Variants in SLC44A1 observed in about 807,000 individuals in gnomAD.
SLC44A1 encodes solute carrier family 44 member 1.
Under a neutral mutation model 79.3 loss-of-function variants are expected in SLC44A1, and 26 were observed. The observed-to-expected ratio is 0.33, with a 90% CI of 0.24 to 0.46. The LOEUF is 0.46. SLC44A1 is among the 20% of genes least tolerant of loss of function. The probability of loss-of-function intolerance (pLI) is 1.00; values close to 1 mark genes in which losing one functional copy is unlikely to be tolerated. For synonymous variants in SLC44A1, 263 were observed against 286.2 expected (o/e 0.92, Z 0.82); for missense variants, 688 against 798.1 (o/e 0.86, Z 1.66).
Position 105,385,496 on chromosome 9 carries a change from G to A in SLC44A1, c.1944G>A (p.Lys648=). The change falls in exon 15 of 16, where the codon AAG becomes AAA. Residue 648 remains lysine (K), a synonymous_variant. Coordinates refer to ENST00000374720, the MANE Select transcript of SLC44A1 (RefSeq NM_080546.5). ...KGGVADSREL[K]PMASGASSA is the part of the protein sequence containing the mutation. ...GCGTCGCTGATTCCAGAGAGCTAAA[G>A]CCGATGGTAGGTGGAGATGAGGAGG... 6.4e-7 allele frequency: 1 copy of A among 1,573,484 alleles called. No homozygotes were observed. Among genetic ancestry groups the A allele is most frequent in the Non-Finnish European group, 8.6e-7 (1 of 1,158,492 alleles).
chr9:105,310,179 A>G lies in SLC44A1; in HGVS notation c.269+313A>G, dbSNP rs58698877. On this transcript the variant is annotated intron_variant, in intron 3 of 15. Coordinates refer to ENST00000374720, the MANE Select transcript of SLC44A1 (RefSeq NM_080546.5). ...TTTTTCTTTAGCCTTTAAGTTATAT[A>G]CTAGTTTTAACCCTGTAACATATTT... 1.1e-3 allele frequency among the ~76,000 whole-genome samples: 173 copies of G among 152,070 alleles called. 1 individual carries two copies. Among genetic ancestry groups the G allele is most frequent in the African/African-American group, 4.1e-3 (170 of 41,496 alleles).
chr9:105,345,992 GA>G (rs75269488), intron 4 of SLC44A1, among the ~76,000 whole-genome samples: 16,398 of 112,298 alleles, frequency 0.15, 921 homozygotes, highest in Middle Eastern at 0.22. Context: ...TACTTTCACT[GA>G]AAAAAAAAAA....
intron 15 of SLC44A1, among the ~76,000 whole-genome samples, chr9:105,405,119 A>G (rs1211384024): frequency 6.6e-6 from 1 of 152,142 alleles, no homozygotes; most frequent in Non-Finnish European, 1.5e-5. Context: ...GAGGAGTTTG[A>G]AACCAGCCTG....
chr9:105,396,706 C>T lies in SLC44A1; in HGVS notation c.*7650C>T. 3.0e-6 allele frequency: 3 copies of T among 984,244 alleles called. No individual in the cohort carries two copies. In the South Asian group the frequency reaches 1.4e-4, roughly 46 times the overall value. 61.0% of individuals were successfully genotyped at this position (984,244 alleles called of 1,614,324 possible). Reference sequence around the variant, plus strand: ...GTTTTGGTGCCACATATTTCTCAATCTGATGCCTTTTTGTCTTTTTTTTTT... The same window carrying T: ...GTTTTGGTGCCACATATTTCTCAATTTGATGCCTTTTTGTCTTTTTTTTTT... On this transcript the variant is annotated 3_prime_UTR_variant, in exon 16 of 16. Transcript: ENST00000374720.
chr9:105,321,551 A>T (rs1157343559), intron 3 of SLC44A1, among the ~76,000 whole-genome samples: 1 of 152,170 alleles, frequency 6.6e-6, no homozygotes, highest in Admixed American at 6.5e-5. Context: ...TAACTAGAAT[A>T]TGTATAGGTA....
At chr9:105,332,936 G>T (rs1307477318) in intron 3 of SLC44A1, among the ~76,000 whole-genome samples, 3 of 152,116 alleles carry the variant, frequency 2.0e-5, no homozygotes, top group Non-Finnish European at 4.4e-5. Flanking sequence ...TCGGTGATAT[G>T]TAATTTTTCA....
chr9:105,385,527 G>A lies in SLC44A1; in HGVS notation c.1950+25G>A, dbSNP rs138253895. 7.9e-5 allele frequency: 123 copies of A among 1,556,554 alleles called. No individual in the cohort carries two copies. In the African/African-American group the frequency reaches 9.9e-4, roughly 13 times the overall value. ...GGTAGGTGGAGATGAGGAGGTGGCC[G>A]CCCTCCAAGAATTTCACTTTCACTT... On this transcript the variant is annotated intron_variant, in intron 15 of 15. Coordinates refer to ENST00000374720, the MANE Select transcript of SLC44A1 (RefSeq NM_080546.5).
intron 15 of SLC44A1, among the ~76,000 whole-genome samples, chr9:105,404,995 A>C (rs575754901): frequency 2.0e-5 from 3 of 152,314 alleles, no homozygotes; most frequent in Non-Finnish European, 2.9e-5. Flanking sequence ...GAACAGAACA[A>C]GCTAGAGTCT....
chr9:105,356,060 T>C (rs1053221813), intron 5 of SLC44A1, 152 bp from the exon 6 acceptor site: 2 of 631,992 alleles, frequency 3.2e-6, no homozygotes, highest in Non-Finnish European at 5.5e-6. Flanking sequence ...GTCATCCTCA[T>C]AGCATTAAGC....
chr9:105,385,870 G>C lies in SLC44A1; in HGVS notation c.1950+368G>C, dbSNP rs1050777257. ...TGGTGTACACTTGAACTGACGGTTT[G>C]ATTTTTATCATTTTGGAAGGTGATC... is the stretch of plus-strand genomic sequence containing the variant. On this transcript the variant is annotated intron_variant, in intron 15 of 15. Transcript: ENST00000374720. 5.1e-6 allele frequency: 5 copies of C among 985,218 alleles called. No homozygotes were observed. In the Admixed American group the frequency reaches 2.5e-4, roughly 48 times the overall value. 61.0% of individuals were successfully genotyped at this position (985,218 alleles called of 1,614,324 possible).
chr9:105,322,478 T>C lies in SLC44A1; in HGVS notation c.269+12612T>C, dbSNP rs80308387. On this transcript the variant is annotated intron_variant, in intron 3 of 15. Coordinates refer to ENST00000374720, the MANE Select transcript of SLC44A1 (RefSeq NM_080546.5). ...CAAATAAAAGGTGGGAGTGAAGGGT[T>C]ACTCATTGTGTGAGTACAGGTCGTG... Among the ~76,000 whole-genome samples the C allele has an allele frequency of 2.2e-4, 33 of 152,338 alleles. No individual in the cohort carries two copies. In the East Asian group the frequency reaches 3.5e-3, roughly 16 times the overall value.
downstream of SLC44A1, among the ~76,000 whole-genome samples, chr9:105,400,077 C>T (rs1828936797): frequency 1.3e-5 from 2 of 152,086 alleles, no homozygotes; most frequent in South Asian, 2.1e-4. Flanking sequence ...TGCCTGTAAT[C>T]CCAGCTACTC....
chr9:105,338,407 G>A (rs906333116), intron 4 of SLC44A1, among the ~76,000 whole-genome samples: 1 of 151,846 alleles, frequency 6.6e-6, no homozygotes, highest in African/African-American at 2.4e-5. Context: ...AAGTTATCTG[G>A]TTTTTTTCTT....
intron 13 of SLC44A1, among the ~76,000 whole-genome samples, chr9:105,377,881 A>C (rs1296094290): frequency 6.6e-6 from 1 of 152,176 alleles, no homozygotes. Context: ...ATGTCTTTAT[A>C]GAGTGTCTAC....
chr9:105,433,413 A>G (rs1272248415), intron 15 of SLC44A1, among the ~76,000 whole-genome samples: 1 of 152,226 alleles, frequency 6.6e-6, no homozygotes, highest in African/African-American at 2.4e-5. Flanking sequence ...AGGATAGAGC[A>G]TATGAAATGA....
At chr9:105,303,040 A>T (rs1830922816) in intron 2 of SLC44A1, among the ~76,000 whole-genome samples, 1 of 152,234 alleles carries the variant, frequency 6.6e-6, no homozygotes, top group Non-Finnish European at 1.5e-5. Flanking sequence ...AGTGAGAGAC[A>T]GATCAAGGAT....
At chr9:105,255,233 T>G (rs1051928251) in intron 1 of SLC44A1, among the ~76,000 whole-genome samples, 2 of 152,030 alleles carry the variant, frequency 1.3e-5, no homozygotes, top group African/African-American at 4.8e-5. Flanking sequence ...TAAACCAGTG[T>G]GTAAATATGT....
chr9:105,366,329 A>AT lies in SLC44A1; in HGVS notation c.1411-12dup. 1 of 1,393,852 alleles carries AT rather than the reference A, an allele frequency of 7.2e-7. No homozygotes were observed. Among genetic ancestry groups the AT allele is most frequent in the Non-Finnish European group, 9.6e-7 (1 of 1,046,582 alleles). The allele number at this position is 1,393,852 out of a possible 1,614,324, so 86.3% of individuals were successfully genotyped here. ...ATTCTTTGGTTTTTTTATTATTTCC[A>AT]TTTTTCCCCCATCCAGGAAAATGCT... On this transcript the variant is annotated splice_polypyrimidine_tract_variant and intron_variant, in intron 11 of 15. Transcript: ENST00000374720.
intron 1 of SLC44A1, among the ~76,000 whole-genome samples, chr9:105,278,494 C>G (rs528586558): frequency 1.3e-5 from 2 of 152,134 alleles, no homozygotes; most frequent in Admixed American, 1.3e-4. Flanking sequence ...GTGATCCACC[C>G]GCCTCGGCCT....
Sources: gnomAD v4.1 joint callset for allele counts (sites outside exome capture counted in the v4.1 genomes callset) on GRCh38, gnomAD v4.1.1 for gene constraint, MANE v1.5 for transcripts, NCBI Gene and HGNC (gene_info 2026-07-23, HGNC 2026-07-21) for gene names.